Variants in PDCD6 observed in about 807,000 individuals in gnomAD.
PDCD6 encodes the protein programmed cell death protein 6.
Under a neutral mutation model 28.3 loss-of-function variants are expected in PDCD6, and 12 were observed. The ratio of observed to expected loss-of-function variants is 0.42; its 90% confidence interval spans 0.27 to 0.69. The LOEUF is 0.69. Ranked by LOEUF, PDCD6 falls within the 30% of genes least tolerant of loss-of-function variation. The probability of loss-of-function intolerance (pLI) is 0.22; values close to 1 mark genes in which losing one functional copy is unlikely to be tolerated. For synonymous variants in PDCD6, 92 were observed against 108.0 expected (o/e 0.85, Z 0.92); for missense variants, 226 against 269.9 (o/e 0.84, Z 1.14).
chr5:289,789 C>T lies in PDCD6; in HGVS notation c.164-14388C>T, dbSNP rs181286416. On this transcript the variant is annotated intron_variant, in intron 2 of 5. Coordinates refer to ENST00000264933, the MANE Select transcript of PDCD6 (RefSeq NM_013232.4). ...GGGGGCTGACAAAGAAACCTTTGGT[C>T]GATTACGTGGTCTGGGTGTCCCAGG... is the stretch of plus-strand genomic sequence containing the variant. The T allele has an allele frequency of 3.6e-3, 3,907 of 1,083,954 alleles. 14 individuals are homozygous for T. Among genetic ancestry groups the T allele is most frequent in the Non-Finnish European group, 3.3e-3 (2,301 of 697,648 alleles). 67.1% of individuals were successfully genotyped at this position (1,083,954 alleles called of 1,614,324 possible). A position where few individuals can be genotyped will look rare whatever the true frequency, so the allele number is the denominator to read the frequency against.
chr5:281,285 G>C (rs1738547022), intron 2 of PDCD6, among the ~76,000 whole-genome samples: 1 of 152,258 alleles, frequency 6.6e-6, no homozygotes, highest in Non-Finnish European at 1.5e-5. Flanking sequence ...GTCAGGGAGG[G>C]TCTTGGGGCT....
intron 2 of PDCD6, among the ~76,000 whole-genome samples, chr5:303,688 ACC>A (rs1740280674): frequency 6.6e-6 from 1 of 151,492 alleles, no homozygotes; most frequent in Admixed American, 6.6e-5. Context: ...TGGTACTTGC[ACC>A]TTTCAGTAGA....
intron 2 of PDCD6, among the ~76,000 whole-genome samples, chr5:295,191 CAT>C (rs1384763243): frequency 6.7e-6 from 1 of 148,870 alleles, no homozygotes; most frequent in Non-Finnish European, 1.5e-5. Flanking sequence ...GAAACAAAAA[CAT>C]ATTAAAAAAA....
rs1739138227 is a variant in PDCD6, at chr5:288,702, C to T, written c.164-15475C>T. The T allele has an allele frequency of 1.2e-5, 5 of 430,808 alleles. No homozygotes were observed. The Admixed American group carries it at 1.2e-4, about 11-fold the overall frequency. 26.7% of individuals were successfully genotyped at this position (430,808 alleles called of 1,614,324 possible). A position where few individuals can be genotyped will look rare whatever the true frequency, so the allele number is the denominator to read the frequency against. On this transcript the variant is annotated intron_variant, in intron 2 of 5. Transcript: ENST00000264933. ...GTGTACAACTCTTCCAGGAATTATC[C>T]ATAAAGTACTTTATTGTTTTACAAC...
In PDCD6 at chr5:271,673, G is replaced by A. The variant is rs752212065; in HGVS notation, c.-48G>A. 17 of 1,109,150 alleles carry A rather than the reference G, an allele frequency of 1.5e-5. No individual in the cohort carries two copies. In the Admixed American group the frequency reaches 3.4e-4, roughly 22 times the overall value. 68.7% of individuals were successfully genotyped at this position (1,109,150 alleles called of 1,614,324 possible). ...AGGCGGAAGCGGAGTCGGCCTGAGA[G>A]GTCTCTCGTCGCTGCAGGCGCCTCA... On this transcript the variant is annotated 5_prime_UTR_variant, in exon 1 of 6. Coordinates refer to ENST00000264933, the MANE Select transcript of PDCD6 (RefSeq NM_013232.4).
chr5:275,962 C>G (rs1282413919), intron 2 of PDCD6: 4 of 1,276,734 alleles, frequency 3.1e-6, no homozygotes, highest in Non-Finnish European at 4.1e-6. Flanking sequence ...CCCTTGTCCT[C>G]CACCCCTTTG....
At chr5:281,997 G>A (rs1175980141) in intron 2 of PDCD6, among the ~76,000 whole-genome samples, 1 of 121,970 alleles carries the variant, frequency 8.2e-6, no homozygotes, top group Non-Finnish European at 1.6e-5. Flanking sequence ...ACTCGGGGAG[G>A]AGCTGATATT....
intron 2 of PDCD6, among the ~76,000 whole-genome samples, chr5:285,103 C>T (rs1443269833): frequency 2.0e-5 from 3 of 151,248 alleles, no homozygotes; most frequent in African/African-American, 7.3e-5. Context: ...ACCAGGTCTC[C>T]AGCTGCACAG....
chr5:302,107 T>TGTGTGTGCGCGC (rs113802406), intron 2 of PDCD6, among the ~76,000 whole-genome samples: 4 of 111,594 alleles, frequency 3.6e-5, no homozygotes, highest in African/African-American at 1.6e-4. Context: ...TGTGTGTGTG[T>TGTGTGTGCGCGC]GCCTTGGGTT....
chr5:313,743 A>C (rs1460208861), intron 5 of PDCD6: 1 of 153,342 alleles, frequency 6.5e-6, no homozygotes, highest in African/African-American at 2.4e-5. Flanking sequence ...TGGTGCGAAC[A>C]CGGCTCACTG....
rs1474016434 is a variant in PDCD6 at position 305,209 on chromosome 5, T to C, written c.208+988T>C. The C allele has an allele frequency of 6.6e-6, 1 of 152,254 alleles. No homozygotes were observed. Among genetic ancestry groups the C allele is most frequent in the East Asian group, 1.9e-4 (1 of 5,198 alleles). The allele number at this position is 152,254 out of a possible 1,614,324, so 9.4% of individuals were successfully genotyped here. On this transcript the variant is annotated intron_variant, in intron 3 of 5. Transcript: ENST00000264933. This position sits in a 1 kb window ranked among gnomAD's most constrained non-coding sequence, Gnocchi z 4.0. The stretch of plus-strand genomic sequence containing the variant: ...TGCAGCCCCCTTCAGACCTCTTTAA[T>C]ATGGAATCCCAGGTTCAGTTCTGCC...
chr5:294,539 G>A (rs1739486313), intron 2 of PDCD6, among the ~76,000 whole-genome samples: 1 of 152,228 alleles, frequency 6.6e-6, no homozygotes, highest in Admixed American at 6.5e-5. Context: ...AAAAACCACA[G>A]GCCGACCCAG....
In PDCD6 at chr5:299,694, C is replaced by T. The variant is rs1461063231; in HGVS notation, c.164-4483C>T. Among the ~76,000 whole-genome samples, 3 of 152,056 alleles carry T rather than the reference C, an allele frequency of 2.0e-5. No individual in the cohort carries two copies. The East Asian group carries it at 5.8e-4, about 30-fold the overall frequency. On this transcript the variant is annotated intron_variant, in intron 2 of 5. Coordinates refer to ENST00000264933, the MANE Select transcript of PDCD6 (RefSeq NM_013232.4). ...CCCCCCGAGTAGCTGGGACTACAGG[C>T]ACACGCCGCCATGCCTGGCTAATTT...
At position 287,873 on chromosome 5, in the gene PDCD6, G is replaced by A. The variant is rs117251665; in HGVS notation, c.163+15101G>A. Among the ~76,000 whole-genome samples the A allele has an allele frequency of 5.4e-4, 82 of 152,208 alleles. 1 individual carries two copies. In the East Asian group the frequency reaches 0.014, roughly 27 times the overall value. On this transcript the variant is annotated intron_variant, in intron 2 of 5. Transcript: ENST00000264933. Reference sequence around the variant, plus strand: ...TAATTTGGAAAGACGTGTAATATTCGCAATGTTCAGAAAAGCAAGCAAAAG... The same window carrying A: ...TAATTTGGAAAGACGTGTAATATTCACAATGTTCAGAAAAGCAAGCAAAAG...
At chr5:278,988 G>T (rs946525897) in intron 2 of PDCD6, among the ~76,000 whole-genome samples, 1 of 152,148 alleles carries the variant, frequency 6.6e-6, no homozygotes, top group South Asian at 2.1e-4. Flanking sequence ...GTTGTTTCGC[G>T]CCAAGCTAAT....
intron 2 of PDCD6, chr5:288,992 A>G (rs1739158426): frequency 8.8e-6 from 11 of 1,255,084 alleles, no homozygotes; most frequent in Non-Finnish European, 1.3e-5. Flanking sequence ...CTTCGTTTTC[A>G]TTACCTTCGG....
intron 2 of PDCD6, among the ~76,000 whole-genome samples, chr5:296,975 C>T (rs1168874170): frequency 2.6e-5 from 4 of 152,210 alleles, no homozygotes; most frequent in Non-Finnish European, 4.4e-5. Flanking sequence ...CCCGACCCCC[C>T]ACGCACACCG....
chr5:299,635 C>A (rs1739904014), intron 2 of PDCD6, among the ~76,000 whole-genome samples: 2 of 151,942 alleles, frequency 1.3e-5, no homozygotes, highest in Admixed American at 6.6e-5. Flanking sequence ...CTGCAAGCTC[C>A]ACCTCCCGGG....
chr5:304,657 C>T (rs1343722758), intron 3 of PDCD6: 6 of 163,848 alleles, frequency 3.7e-5, no homozygotes, highest in African/African-American at 9.6e-5. Context: ...TGACATGGAG[C>T]TCCTTGACTG....
Sources: gnomAD v4.1 joint callset for allele counts (sites outside exome capture counted in the v4.1 genomes callset) on GRCh38, gnomAD v4.1.1 for gene constraint, Gnocchi (gnomAD v3.1) non-coding constraint, MANE v1.5 for transcripts, NCBI Gene and HGNC (gene_info 2026-07-23, HGNC 2026-07-21) for gene names.